AOAH: variants seen among roughly 807,000 people sequenced by gnomAD.
AOAH encodes the protein acyloxyacyl hydrolase.
A neutral mutation model predicts 92.2 loss-of-function variants in AOAH; 64 were observed. The ratio of observed to expected loss-of-function variants is 0.69; its 90% CI spans 0.57 to 0.86. AOAH has a LOEUF of 0.86. Among genes scored for constraint, AOAH ranks in the 40% least tolerant of loss-of-function variants. The pLI is 0.00. For missense variants in AOAH, 656 were observed against 694.6 expected, an observed-to-expected ratio of 0.94 and a Z score of 0.62; for synonymous variants, 263 against 254.5, an observed-to-expected ratio of 1.03 and a Z score of -0.32.
At chr7:36,652,592 C>T (rs4723550) in intron 4 of AOAH, among the ~76,000 whole-genome samples, 30 of 152,074 alleles carry the variant, frequency 2.0e-4, no homozygotes, top group African/African-American at 1.4e-4. Context: ...ACCCTTTCAC[C>T]GAGTGATGAA....
chr7:36,644,851 T>C (rs59815011), intron 4 of AOAH, among the ~76,000 whole-genome samples: 1 of 137,074 alleles, frequency 7.3e-6, no homozygotes, highest in East Asian at 2.1e-4. Context: ...AGAAAGCCCC[T>C]GGGAAGTAAA....
intron 8 of AOAH, among the ~76,000 whole-genome samples, chr7:36,621,427 T>C (rs1462344459): frequency 6.6e-6 from 1 of 152,214 alleles, no homozygotes; most frequent in East Asian, 1.9e-4. Flanking sequence ...TTGATTGTTT[T>C]TCCCACTTGA....
intron 19 of AOAH, among the ~76,000 whole-genome samples, chr7:36,525,726 T>C (rs1201475291): frequency 6.6e-6 from 1 of 152,208 alleles, no homozygotes; most frequent in African/African-American, 2.4e-5. Flanking sequence ...CTGGTAAGTA[T>C]ACATAATGCA....
intron 1 of AOAH, among the ~76,000 whole-genome samples, chr7:36,716,375 G>T (rs1799169869): frequency 2.7e-5 from 4 of 150,396 alleles, no homozygotes; most frequent in Admixed American, 2.6e-4. Context: ...ACTGTTGGTG[G>T]GACTGTAAAC....
intron 1 of AOAH, among the ~76,000 whole-genome samples, chr7:36,705,949 T>C (rs140421039): frequency 6.6e-6 from 1 of 152,294 alleles, no homozygotes; most frequent in East Asian, 1.9e-4. Context: ...GAAAACTGGC[T>C]AGCCATATGT....
chr7:36,572,002 C>A (rs1788176689), intron 13 of AOAH, among the ~76,000 whole-genome samples: 1 of 152,028 alleles, frequency 6.6e-6, no homozygotes, highest in African/African-American at 2.4e-5. Context: ...AAAATAGCTA[C>A]AAGAGAATAA....
chr7:36,681,977 A>T (rs565640848), intron 2 of AOAH, among the ~76,000 whole-genome samples: 38 of 152,364 alleles, frequency 2.5e-4, no homozygotes, highest in African/African-American at 9.1e-4. Context: ...GAGAAAGTAG[A>T]GGGAAGCAAT....
At chr7:36,547,585 C>G (rs921256192) in intron 15 of AOAH, among the ~76,000 whole-genome samples, 1 of 152,142 alleles carries the variant, frequency 6.6e-6, no homozygotes, top group Admixed American at 6.6e-5. Context: ...TCGTGAACCT[C>G]GTTTGGCCTT....
chr7:36,702,623 T>A (rs543165995), intron 1 of AOAH, among the ~76,000 whole-genome samples: 16 of 152,342 alleles, frequency 1.1e-4, no homozygotes, highest in African/African-American at 3.4e-4. Flanking sequence ...ACTGGCATTA[T>A]GTTTAAAAAC....
chr7:36,630,904 T>C (rs1423548366), intron 6 of AOAH, among the ~76,000 whole-genome samples: 1 of 152,184 alleles, frequency 6.6e-6, no homozygotes, highest in African/African-American at 2.4e-5. Flanking sequence ...CTCAGTTGCT[T>C]TCTCTGTGAA....
chr7:36,531,536 T>A (rs1311498662), intron 18 of AOAH, among the ~76,000 whole-genome samples: 1 of 152,020 alleles, frequency 6.6e-6, no homozygotes, highest in Non-Finnish European at 1.5e-5. Flanking sequence ...TTAGTAGAGA[T>A]GGGGTTTCAT....
At chr7:36,637,652 G>A (rs1793612277) in intron 5 of AOAH, among the ~76,000 whole-genome samples, 199 bp downstream of exon 5, 3 of 152,130 alleles carry the variant, frequency 2.0e-5, no homozygotes. Context: ...GCAGTGCTGA[G>A]GCTGAAAAAC....
At chr7:36,719,756 C>A (rs1006604526) in intron 1 of AOAH, among the ~76,000 whole-genome samples, 16 of 151,996 alleles carry the variant, frequency 1.1e-4, no homozygotes, top group Non-Finnish European at 2.1e-4. Flanking sequence ...CATAATGAGA[C>A]CCTGTCTCCA....
chr7:36,717,581 C>A (rs1003732099), intron 1 of AOAH, among the ~76,000 whole-genome samples: 5 of 150,374 alleles, frequency 3.3e-5, no homozygotes, highest in African/African-American at 9.7e-5. Flanking sequence ...GAGGCAGTGG[C>A]GAGGCACCGG....
chr7:36,597,980 G>C (rs1044067462), intron 11 of AOAH: 9 of 128,236 alleles, frequency 7.0e-5, no homozygotes, highest in African/African-American at 9.9e-5. Context: ...CCTCATTCTC[G>C]GTCAGGGGTG....
chr7:36,621,102 C>T (rs148126515), intron 8 of AOAH, among the ~76,000 whole-genome samples: 6 of 152,294 alleles, frequency 3.9e-5, no homozygotes, highest in South Asian at 4.1e-4. Context: ...ATTCATGGAC[C>T]GCATTGTTGT....
chr7:36,632,122 AAAAC>A lies in AOAH; in HGVS notation c.451-20_451-17del, dbSNP rs1793157901. Reference sequence around the variant, plus strand: ...TAGAATATTTCTGGGGAGAAAAAAAAAAACAAAAAGAGAGTTGTTTAGTTTAAGG... The same window carrying A: ...TAGAATATTTCTGGGGAGAAAAAAAAAAAAAGAGAGTTGTTTAGTTTAAGG... On this transcript the variant is annotated splice_polypyrimidine_tract_variant and intron_variant, in intron 5 of 20. Transcript: ENST00000617537. The A allele has an allele frequency of 8.8e-6, 14 of 1,599,808 alleles. No individual in the cohort carries two copies. Among genetic ancestry groups the A allele is most frequent in the Admixed American group, 3.4e-5 (2 of 58,046 alleles).
At chr7:36,648,108 AGGTGAT>A (rs1794345994) in intron 4 of AOAH, among the ~76,000 whole-genome samples, 2 of 152,076 alleles carry the variant, frequency 1.3e-5, no homozygotes, top group Non-Finnish European at 2.9e-5. Flanking sequence ...CTGGGATTAC[AGGTGAT>A]CCTCCTGCCT....
intron 13 of AOAH, among the ~76,000 whole-genome samples, chr7:36,551,079 T>TC (rs999583680): frequency 3.6e-4 from 54 of 150,324 alleles, no homozygotes; most frequent in African/African-American, 9.5e-4. Context: ...TTTCTTTCTT[T>TC]TTTTTTTTTT....
Sources: allele counts gnomAD v4.1 joint callset (sites outside exome capture counted in the v4.1 genomes callset), GRCh38; gene constraint gnomAD v4.1.1; transcripts MANE v1.5; gene names NCBI Gene and HGNC (gene_info 2026-07-23, HGNC 2026-07-21).